The following PCDH15 variants were observed in gnomAD, a reference collection of about 807,000 sequenced individuals.
The protein encoded by PCDH15 is protocadherin related 15.
Under a neutral mutation model 178.5 loss-of-function variants are expected in PCDH15, and 129 were observed. The ratio of observed to expected loss-of-function variants is 0.72; its 90% CI spans 0.63 to 0.84. The LOEUF is 0.84. PCDH15 is among the 40% of genes least tolerant of loss of function. The pLI is 0.00. For synonymous variants in PCDH15, 800 were observed against 732.0 expected (o/e 1.09, Z -1.50); for missense variants, 2,230 against 2,099.9 (o/e 1.06, Z -1.21).
At chr10:53,992,676 T>C (rs912268590) in intron 21 of PCDH15, among the ~76,000 whole-genome samples, 1 of 152,278 alleles carries the variant, frequency 6.6e-6, no homozygotes, top group South Asian at 2.1e-4. Flanking sequence ...TTCTGTCAAA[T>C]TTGGGAATGA....
At chr10:55,417,642 G>T (rs1838516446) in intron 2 of PCDH15, among the ~76,000 whole-genome samples, 1 of 151,424 alleles carries the variant, frequency 6.6e-6, no homozygotes, top group Admixed American at 6.6e-5. Context: ...TCTTTAGCCA[G>T]AGAAATATCA....
chr10:55,587,306 C>T (rs575837167), intron 2 of PCDH15, among the ~76,000 whole-genome samples: 11 of 152,070 alleles, frequency 7.2e-5, no homozygotes, highest in Non-Finnish European at 1.6e-4. Context: ...ATTATGTTTA[C>T]ATTCTATTTA....
Position 54,228,738 on chromosome 10 carries a change from C to G in PCDH15, c.985+8085G>C, listed in dbSNP as rs111728941. 3.6e-3 allele frequency among the ~76,000 whole-genome samples: 547 copies of G among 152,220 alleles called. 4 individuals are homozygous for G. Among genetic ancestry groups the G allele is most frequent in the African/African-American group, 0.012 (490 of 41,538 alleles). ...CCTCTGCCTTTTTGTTCTATTCAGG[C>G]CCTCAATGGACTGGATGATACCTGC... On this transcript the variant is annotated intron_variant, in intron 9 of 37. Coordinates refer to ENST00000644397, the MANE Select transcript of PCDH15 (RefSeq NM_001384140.1).
chr10:55,359,741 TATATATAC>T (rs1565054572), intron 2 of PCDH15, among the ~76,000 whole-genome samples: 1 of 117,740 alleles, frequency 8.5e-6, no homozygotes. Context: ...TATATATATA[TATATATAC>T]ACACACACAC....
chr10:55,019,168 T>C (rs1442092254), intron 2 of PCDH15, among the ~76,000 whole-genome samples: 1 of 152,002 alleles, frequency 6.6e-6, no homozygotes, highest in African/African-American at 2.4e-5. Context: ...GACCTAATAG[T>C]CAATTCCTTT....
At chr10:55,312,640 G>C (rs149748981) in intron 1 of PCDH15, among the ~76,000 whole-genome samples, 1 of 148,928 alleles carries the variant, frequency 6.7e-6, no homozygotes. Context: ...TTTTTTAGAC[G>C]TAGTTTCACT....
intron 8 of PCDH15, among the ~76,000 whole-genome samples, chr10:54,270,836 G>A (rs1236968510): frequency 6.6e-6 from 1 of 151,966 alleles, no homozygotes; most frequent in African/African-American, 2.4e-5. Context: ...ATAAGAACAG[G>A]GCTTGAATTA....
chr10:53,855,899 G>GATGTGTATATATATATATATATATAT (rs1554832729), intron 28 of PCDH15, among the ~76,000 whole-genome samples: 7 of 77,844 alleles, frequency 9.0e-5, no homozygotes, highest in African/African-American at 5.2e-4. Context: ...AAAAAAAGGT[G>GATGTGTATATATATATATATATATAT]ATATGTATAT....
intron 2 of PCDH15, among the ~76,000 whole-genome samples, chr10:54,562,859 G>T (rs1201904003): frequency 3.3e-5 from 5 of 152,084 alleles, no homozygotes; most frequent in African/African-American, 1.2e-4. Flanking sequence ...TGTCAGTTTA[G>T]TTAGGTCAAT....
At chr10:55,217,225 T>C (rs528125483) in intron 1 of PCDH15, among the ~76,000 whole-genome samples, 1 of 151,930 alleles carries the variant, frequency 6.6e-6, no homozygotes, top group East Asian at 1.9e-4. Context: ...TGTGAGACAG[T>C]TTTCTAATGG....
chr10:53,960,914 CTT>C (rs2088232804), intron 22 of PCDH15, among the ~76,000 whole-genome samples: 1 of 152,120 alleles, frequency 6.6e-6, no homozygotes, highest in Non-Finnish European at 1.5e-5. Context: ...TGTTCAAACA[CTT>C]AATAAAATTG....
At chr10:55,288,832 G>C (rs1226923639) in intron 1 of PCDH15, among the ~76,000 whole-genome samples, 3 of 151,318 alleles carry the variant, frequency 2.0e-5, no homozygotes, top group Non-Finnish European at 4.4e-5. Flanking sequence ...ACATTAGAGT[G>C]AGGCTATTTC....
Position 55,023,796 on chromosome 10 carries a change from CATAT to C in PCDH15, c.-79-126300_-79-126297del, listed in dbSNP as rs202050684. Among the ~76,000 whole-genome samples, 954 of 150,772 alleles carry C rather than the reference CATAT, an allele frequency of 6.3e-3. 16 individuals carry two copies. Among genetic ancestry groups the C allele is most frequent in the African/African-American group, 0.023 (927 of 41,040 alleles). On this transcript the variant is annotated intron_variant, in intron 2 of 5. Coordinates refer to the PCDH15 transcript ENST00000458638. ...CTGTGTACACATATACACACATATT[CATAT>C]ATATATTCTTTCATATATATATACA...
At chr10:55,067,836 G>A (rs1256476102) in intron 2 of PCDH15, among the ~76,000 whole-genome samples, 1 of 151,952 alleles carries the variant, frequency 6.6e-6, no homozygotes, top group Non-Finnish European at 1.5e-5. Flanking sequence ...TTTCCCTGAT[G>A]ATTAGTGATG....
intron 3 of PCDH15, among the ~76,000 whole-genome samples, chr10:54,473,031 A>G (rs542623104): frequency 1.3e-5 from 2 of 152,178 alleles, no homozygotes; most frequent in South Asian, 4.1e-4. Flanking sequence ...ACTTTGTTTC[A>G]CCTAAATGCA....
chr10:54,598,650 A>G (rs535848605), intron 2 of PCDH15, among the ~76,000 whole-genome samples: 1 of 152,296 alleles, frequency 6.6e-6, no homozygotes, highest in African/African-American at 2.4e-5. Context: ...GAAAGAAATA[A>G]AAGGCATCCA....
At chr10:55,056,108 G>T (rs767746070) in intron 2 of PCDH15, among the ~76,000 whole-genome samples, 9 of 151,982 alleles carry the variant, frequency 5.9e-5, no homozygotes, top group South Asian at 4.2e-4. Context: ...TCTAAATTCC[G>T]CATACGGGTC....
intron 25 of PCDH15, among the ~76,000 whole-genome samples, chr10:53,908,999 T>C (rs1452400135): frequency 1.3e-5 from 2 of 152,206 alleles, no homozygotes; most frequent in South Asian, 2.1e-4. Context: ...TATGGAAGCA[T>C]TGTGACTTCC....
chr10:55,333,452 G>A (rs1356231595), intron 2 of PCDH15, among the ~76,000 whole-genome samples: 2 of 151,882 alleles, frequency 1.3e-5, no homozygotes, highest in Non-Finnish European at 2.9e-5. Flanking sequence ...GCAGGGAAGA[G>A]ACAAGAAAAA....
Sources: allele counts gnomAD v4.1 joint callset (sites outside exome capture counted in the v4.1 genomes callset), GRCh38; gene constraint gnomAD v4.1.1; transcripts MANE v1.5; gene names NCBI Gene and HGNC (gene_info 2026-07-23, HGNC 2026-07-21).